Variants in LMX1A observed in about 807,000 individuals in gnomAD.
LMX1A encodes the protein LIM homeobox transcription factor 1-alpha.
In LMX1A, 15 loss-of-function variants were observed where a neutral mutation model predicts 49.1. The observed-to-expected ratio is 0.31, with a 90% CI of 0.20 to 0.47. The LOEUF (loss-of-function observed/expected upper bound fraction) is 0.47, where lower values mean the gene tolerates loss of function less well. Among genes scored for constraint, LMX1A ranks in the 20% least tolerant of loss-of-function variants. The pLI, the probability that LMX1A is intolerant of heterozygous loss-of-function variation, is 1.00. For synonymous variants in LMX1A, 167 were observed against 185.7 expected, an observed-to-expected ratio of 0.90 and a Z score of 0.82; for missense variants, 372 against 475.8, an observed-to-expected ratio of 0.78 and a Z score of 2.03.
intron 3 of LMX1A, among the ~76,000 whole-genome samples, chr1:165,265,916 A>T (rs1653605761): frequency 6.6e-6 from 1 of 152,184 alleles, no homozygotes; most frequent in African/African-American, 2.4e-5. Context: ...TCCCGCAAAG[A>T]CACACAAGGA....
chr1:165,216,405 T>C (rs1039630441), intron 4 of LMX1A, among the ~76,000 whole-genome samples: 5 of 152,146 alleles, frequency 3.3e-5, no homozygotes, highest in African/African-American at 9.7e-5. Context: ...GGTGGTGAAC[T>C]CCCTGGGGTA....
At chr1:165,218,677 G>A (rs562076247) in intron 4 of LMX1A, 3 of 152,298 alleles carry the variant, frequency 2.0e-5, no homozygotes, top group Admixed American at 1.3e-4. Flanking sequence ...ATTTGTTCAC[G>A]AGAAAGGACA....
chr1:165,344,043 G>A (rs1656161997), intron 3 of LMX1A, among the ~76,000 whole-genome samples: 1 of 152,218 alleles, frequency 6.6e-6, no homozygotes, highest in Non-Finnish European at 1.5e-5. Context: ...TCACAAGATG[G>A]GTTCAGAGCA....
intron 3 of LMX1A, among the ~76,000 whole-genome samples, chr1:165,304,042 A>G (rs573560476): frequency 3.9e-5 from 6 of 152,222 alleles, no homozygotes; most frequent in Middle Eastern, 6.8e-3. Flanking sequence ...TACATTACAC[A>G]TTGGTTTAAT....
intron 4 of LMX1A, among the ~76,000 whole-genome samples, chr1:165,219,790 G>T (rs1045918663): frequency 5.3e-5 from 8 of 152,178 alleles, no homozygotes; most frequent in African/African-American, 1.9e-4. Context: ...CTAATGTGTG[G>T]AGCACTGCAC....
chr1:165,241,732 C>G (rs1361001933), intron 4 of LMX1A, among the ~76,000 whole-genome samples: 1 of 152,178 alleles, frequency 6.6e-6, no homozygotes, highest in Non-Finnish European at 1.5e-5. Context: ...TTAACTGCTG[C>G]TTCTCTAGTC....
At chr1:165,222,790 C>A (rs552185994) in intron 4 of LMX1A, among the ~76,000 whole-genome samples, 1 of 152,162 alleles carries the variant, frequency 6.6e-6, no homozygotes, top group African/African-American at 2.4e-5. Context: ...AGAGGAAAGC[C>A]GAGGCCCATA....
chr1:165,258,208 T>C lies in LMX1A; in HGVS notation c.264-8568A>G, dbSNP rs189593227. ...ACAGGGATTGGCCATAAGCCAAAAC[T>C]GTCTGCCGGAAAATCTGCTGCTGGG... On this transcript the variant is annotated intron_variant, in intron 3 of 8. Transcript: ENST00000342310. Among the ~76,000 whole-genome samples the C allele has an allele frequency of 3.5e-3, 527 of 152,358 alleles. 1 individual carries two copies. The highest frequency in any genetic ancestry group is 0.012 in the African/African-American group (505 of 41,596).
At chr1:165,243,450 T>C (rs926657310) in intron 4 of LMX1A, among the ~76,000 whole-genome samples, 1 of 152,170 alleles carries the variant, frequency 6.6e-6, no homozygotes, top group Non-Finnish European at 1.5e-5. Context: ...AATAACACTG[T>C]GCTGGTTCAA....
chr1:165,261,951 G>A (rs1653453131), intron 3 of LMX1A, among the ~76,000 whole-genome samples: 1 of 152,196 alleles, frequency 6.6e-6, no homozygotes, highest in Admixed American at 6.5e-5. Flanking sequence ...AGTGGTGATA[G>A]TAGCACAACA....
intron 3 of LMX1A, among the ~76,000 whole-genome samples, chr1:165,313,619 A>G (rs537431390): frequency 1.3e-5 from 2 of 152,098 alleles, no homozygotes; most frequent in Non-Finnish European, 2.9e-5. Flanking sequence ...TCAGGGAGCT[A>G]TTGCCAGCCC....
chr1:165,348,509 A>G (rs890179895), intron 3 of LMX1A, among the ~76,000 whole-genome samples: 1 of 152,330 alleles, frequency 6.6e-6, no homozygotes, highest in East Asian at 1.9e-4. Context: ...GCCCCCTGCA[A>G]TTTAACACAG....
At position 165,249,565 on chromosome 1, in the gene LMX1A, A is replaced by G. The variant is rs35943978; in HGVS notation, c.339T>C (p.Ser113=). 6.3e-4 allele frequency: 1,024 copies of G among 1,613,850 alleles called. 9 individuals carry two copies. In the African/African-American group the frequency reaches 0.012, roughly 19 times the overall value. Residue 113 remains serine (S), a synonymous_variant, in exon 4 of 9, where the codon AGT becomes AGC. Transcript: ENST00000342310. ...AGCAGAAGCAGCTCAGGTGGTATACACTCTTCTGGGCCCGCATAACAAACT... is the reference window on the plus strand; with the variant it reads ...AGCAGAAGCAGCTCAGGTGGTATACGCTCTTCTGGGCCCGCATAACAAACT... The part of the protein sequence containing the change: ...PNEFVMRAQK[S]VYHLSCFCCC...
intron 4 of LMX1A, among the ~76,000 whole-genome samples, chr1:165,233,262 C>T (rs1652301159): frequency 1.3e-5 from 2 of 152,154 alleles, no homozygotes; most frequent in Admixed American, 6.5e-5. Context: ...CAAGACCAGC[C>T]TGGGAAACAC....
At chr1:165,328,458 C>T (rs1431976447) in intron 3 of LMX1A, among the ~76,000 whole-genome samples, 2 of 152,318 alleles carry the variant, frequency 1.3e-5, no homozygotes, top group East Asian at 3.9e-4. Context: ...AGCACTCCCA[C>T]CTACCTGAAA....
chr1:165,315,727 G>A (rs917802455), intron 3 of LMX1A, among the ~76,000 whole-genome samples: 1 of 152,122 alleles, frequency 6.6e-6, no homozygotes, highest in Non-Finnish European at 1.5e-5. Context: ...AACCATCAAG[G>A]AGGCACCATG....
chr1:165,288,760 C>A (rs1654371111), intron 3 of LMX1A, among the ~76,000 whole-genome samples: 1 of 152,206 alleles, frequency 6.6e-6, no homozygotes, highest in Non-Finnish European at 1.5e-5. Flanking sequence ...GCTATCATGA[C>A]CTGGCTATTC....
chr1:165,316,756 T>C (rs1655240567), intron 3 of LMX1A, among the ~76,000 whole-genome samples: 3 of 152,220 alleles, frequency 2.0e-5, no homozygotes, highest in African/African-American at 7.2e-5. Flanking sequence ...ACTTGTACTT[T>C]TACAGCACAA....
intron 4 of LMX1A, among the ~76,000 whole-genome samples, chr1:165,221,581 GA>G (rs1651845614): frequency 6.6e-6 from 1 of 152,174 alleles, no homozygotes; most frequent in Non-Finnish European, 1.5e-5. Context: ...GTCCACTGCA[GA>G]GGGGGGTTTC....
Sources: gnomAD v4.1 joint callset for allele counts (sites outside exome capture counted in the v4.1 genomes callset) on GRCh38, gnomAD v4.1.1 for gene constraint, MANE v1.5 for transcripts, NCBI Gene and HGNC (gene_info 2026-07-23, HGNC 2026-07-21) for gene names.